Variants in JCAD observed in about 807,000 individuals in gnomAD.
JCAD encodes junctional cadherin 5-associated protein.
A neutral mutation model predicts 98.0 loss-of-function variants in JCAD; 40 were observed. The ratio of observed to expected loss-of-function variants is 0.41; its 90% CI spans 0.32 to 0.53. The LOEUF is 0.53. Ranked by LOEUF, JCAD falls within the 20% of genes least tolerant of loss-of-function variation. JCAD has a pLI of 0.31. For missense variants in JCAD, 1,705 were observed against 1,738.1 expected (o/e 0.98, Z 0.34); for synonymous variants, 691 against 682.3 (o/e 1.01, Z -0.20).
chr10:30,092,052 A>AT (rs1838280004), intron 1 of JCAD, among the ~76,000 whole-genome samples: 2 of 25,402 alleles, frequency 7.9e-5, no homozygotes, highest in African/African-American at 3.0e-4. Context: ...AAAAAAAAAA[A>AT]AAAAAAAAAA....
chr10:30,064,113 G>A (rs1176326488), upstream of JCAD, among the ~76,000 whole-genome samples: 1 of 152,074 alleles, frequency 6.6e-6, no homozygotes, highest in Non-Finnish European at 1.5e-5. Context: ...CCCAAGAGAT[G>A]GGATCTTTAA....
intron 2 of JCAD, among the ~76,000 whole-genome samples, chr10:30,065,989 A>G (rs972901567): frequency 6.6e-6 from 1 of 152,208 alleles, no homozygotes; most frequent in Non-Finnish European, 1.5e-5. Flanking sequence ...CTTTAAGGAA[A>G]TGCCCAGATG....
At position 30,017,629 on chromosome 10, in the gene JCAD, T is replaced by A. The variant is rs1239959498; in HGVS notation, c.*254A>T. 4 of 559,808 alleles carry A rather than the reference T, an allele frequency of 7.1e-6. No individual in the cohort carries two copies. In the African/African-American group the frequency reaches 7.7e-5, roughly 11 times the overall value. The allele number at this position is 559,808 out of a possible 1,614,324, so 34.7% of individuals were successfully genotyped here. ...CATGAGGGAGGGTTTCTGTGAAAAC[T>A]CCTTCCTAATTATAGGCATTAAATC... On this transcript the variant is annotated 3_prime_UTR_variant, in exon 4 of 4. Transcript: ENST00000375377.
chr10:30,039,781 G>A lies in JCAD; in HGVS notation c.281+7751C>T, dbSNP rs138924483. 3.5e-3 allele frequency among the ~76,000 whole-genome samples: 535 copies of A among 152,192 alleles called. 2 individuals carry two copies. The highest frequency in any genetic ancestry group is 7.3e-3 in the African/African-American group (305 of 41,504). ...CAGCTGCCCTGGGCACTGGAGGGGC[G>A]GCGTGGGTTTAAAGGCCAACACCAC... On this transcript the variant is annotated intron_variant, in intron 2 of 3. Transcript: ENST00000375377.
At chr10:30,020,326 C>CAAAAAAAAAAAAAAAA (rs59762991) in intron 3 of JCAD, among the ~76,000 whole-genome samples, 1 of 83,062 alleles carries the variant, frequency 1.2e-5, no homozygotes, top group Non-Finnish European at 2.4e-5. Context: ...GACTCGGTCT[C>CAAAAAAAAAAAAAAAA]AAAAAAAAAA....
rs990217856 is a variant in JCAD, at chr10:30,022,732, A to C, written c.4045+3371T>G. 1.1e-4 allele frequency among the ~76,000 whole-genome samples: 16 copies of C among 152,312 alleles called. No homozygotes were observed. In the East Asian group the frequency reaches 3.1e-3, roughly 29 times the overall value. The stretch of plus-strand genomic sequence containing the variant: ...CCACAGAACAACATCTTGGTCAATG[A>C]CGGGCCACATAGATGACAGTGGTCC... On this transcript the variant is annotated intron_variant, in intron 3 of 3. Transcript: ENST00000375377.
At chr10:30,054,858 A>G (rs1837537116) in intron 1 of JCAD, among the ~76,000 whole-genome samples, 2 of 152,054 alleles carry the variant, frequency 1.3e-5, no homozygotes, top group Non-Finnish European at 2.9e-5. Context: ...TTTAGTAGAG[A>G]CAGGGTTTCA....
intron 2 of JCAD, among the ~76,000 whole-genome samples, chr10:30,034,549 C>T (rs1837073821): frequency 6.6e-6 from 1 of 152,142 alleles, no homozygotes; most frequent in African/African-American, 2.4e-5. Flanking sequence ...GCTTCCTGGT[C>T]AGGTTCGACA....
chr10:30,112,609 T>C (rs931226703), intron 1 of JCAD, among the ~76,000 whole-genome samples: 1 of 152,102 alleles, frequency 6.6e-6, no homozygotes, highest in African/African-American at 2.4e-5. Flanking sequence ...CGGTGGCTCA[T>C]GCCTGTAATC....
At chr10:30,105,362 T>C (rs564115631) in intron 1 of JCAD, among the ~76,000 whole-genome samples, 216 of 151,520 alleles carry the variant, frequency 1.4e-3, no homozygotes, top group African/African-American at 4.7e-3. Flanking sequence ...TTCTTTCTTT[T>C]TTTTTTTTTT....
chr10:30,082,851 CAAAAAAAAAAAAAA>C (rs57450219), intron 1 of JCAD, among the ~76,000 whole-genome samples: 1 of 68,386 alleles, frequency 1.5e-5, no homozygotes, highest in South Asian at 6.8e-4. Context: ...AACTCTGTCT[CAAAAAAAAAAAAAA>C]AAAAAAAAAA....
At chr10:30,083,681 CA>C (rs1838122201) in intron 1 of JCAD, among the ~76,000 whole-genome samples, 6 of 152,286 alleles carry the variant, frequency 3.9e-5, no homozygotes, top group Admixed American at 3.9e-4. Flanking sequence ...TTCTGTCCAT[CA>C]GCACTAGCGT....
chr10:30,068,995 T>C (rs1406177778), intron 2 of JCAD, among the ~76,000 whole-genome samples: 1 of 152,250 alleles, frequency 6.6e-6, no homozygotes, highest in Admixed American at 6.5e-5. Context: ...GAGGTGCCTC[T>C]TGTTTATAGG....
chr10:30,017,999 T>C (rs1836573282), intron 3 of JCAD, 82 bp from the exon 4 acceptor site: 1 of 1,074,656 alleles, frequency 9.3e-7, no homozygotes, highest in East Asian at 2.5e-5. Flanking sequence ...CACGAATTTG[T>C]CTAGGGAACA....
upstream of JCAD, chr10:30,059,599 T>TCCGCCCCGCCCACCGCCCGGAC (rs1837662762): frequency 2.1e-5 from 3 of 146,266 alleles, no homozygotes; most frequent in African/African-American, 8.1e-5. The surrounding 1 kb of genome is among the most constrained non-coding windows in gnomAD (Gnocchi z 5.0). Flanking sequence ...AGAACCGCCG[T>TCCGCCCCGCCCACCGCCCGGAC]CCGCCCCGCC....
intron 2 of JCAD, among the ~76,000 whole-genome samples, chr10:30,066,548 T>A (rs1837787180): frequency 6.6e-6 from 1 of 152,088 alleles, no homozygotes; most frequent in South Asian, 2.1e-4. Flanking sequence ...TGGCAGTGGC[T>A]GTCAGGGATC....
At chr10:30,045,451 C>T (rs1837315081) in intron 2 of JCAD, among the ~76,000 whole-genome samples, 1 of 152,176 alleles carries the variant, frequency 6.6e-6, no homozygotes, top group Non-Finnish European at 1.5e-5. Context: ...ATGCCCTGTA[C>T]TGTAAGACTC....
In JCAD at chr10:30,026,932, G is replaced by T. The variant is rs1487270038; in HGVS notation, c.3216C>A (p.Ser1072Arg). 2.5e-6 allele frequency: 4 copies of T among 1,614,010 alleles called. No individual in the cohort carries two copies. The highest frequency in any genetic ancestry group is 3.4e-6 in the Non-Finnish European group (4 of 1,180,034). Reference sequence around the variant, plus strand: ...ACTCACCTGGGGGGATTTCTATTGTGCTTGCTTCACCCAAAGACCCCTCTA... The same window carrying T: ...ACTCACCTGGGGGGATTTCTATTGTTCTTGCTTCACCCAAAGACCCCTCTA... Reference protein sequence around the residue: ...SELEGSLGEASTIEIPPGESL... With the variant: ...SELEGSLGEARTIEIPPGESL... The change falls in exon 3 of 4, where the codon AGC becomes AGA. Residue 1072 changes from serine to arginine, a missense_variant. By Grantham distance (110) the Ser-to-Arg change is moderately radical. Transcript: ENST00000375377.
chr10:30,027,958 A>G lies in JCAD; in HGVS notation c.2190T>C (p.Ala730=). Residue 730 remains alanine, a synonymous_variant, in exon 3 of 4, where the codon GCT becomes GCC. Coordinates refer to ENST00000375377, the MANE Select transcript of JCAD (RefSeq NM_020848.4). ...PKCSDPAASE[A]QTHTAFPTGD... ...CGGTAGGGAATGCTGTGTGCGTCTGAGCTTCGGAGGCAGCAGGGTCTGAAC... is the reference window on the plus strand; with the variant it reads ...CGGTAGGGAATGCTGTGTGCGTCTGGGCTTCGGAGGCAGCAGGGTCTGAAC... 1 of 1,614,194 alleles carries G rather than the reference A, an allele frequency of 6.2e-7. No individual in the cohort carries two copies. The highest frequency in any genetic ancestry group is 8.5e-7 in the Non-Finnish European group (1 of 1,180,048).
Sources: allele counts gnomAD v4.1 joint callset (sites outside exome capture counted in the v4.1 genomes callset), GRCh38; gene constraint gnomAD v4.1.1; non-coding constraint Gnocchi (gnomAD v3.1); transcripts MANE v1.5; gene names NCBI Gene and HGNC (gene_info 2026-07-23, HGNC 2026-07-21).